PTPN23: variants seen among roughly 807,000 people sequenced by gnomAD.
The protein encoded by PTPN23 is protein tyrosine phosphatase non-receptor type 23.
PTPN23 carries 72 observed loss-of-function variants against 156.3 expected under a neutral mutation model. That is an observed-to-expected ratio of 0.46 (90% CI 0.38 to 0.56). The LOEUF (loss-of-function observed/expected upper bound fraction) is 0.56, where lower values mean the gene tolerates loss of function less well. PTPN23 is among the 20% of genes least tolerant of loss of function. The probability of loss-of-function intolerance (pLI) is 0.00; values close to 1 mark genes in which losing one functional copy is unlikely to be tolerated. For missense variants in PTPN23, 1,974 were observed against 2,171.5 expected, an observed-to-expected ratio of 0.91 and a Z score of 1.81; for synonymous variants, 957 against 899.6, an observed-to-expected ratio of 1.06 and a Z score of -1.14.
rs1374783155 is a variant in PTPN23 at position 47,408,658 on chromosome 3, G to A, written c.1331-118G>A. On this transcript the variant is annotated intron_variant, in intron 15 of 24. Coordinates refer to ENST00000265562, the MANE Select transcript of PTPN23 (RefSeq NM_015466.4). ...GCATACCTCTTGCACCCTGCTCAGTGTGCGCTGGGCCTCACTTAAGCCCTG... is the reference window on the plus strand; with the variant it reads ...GCATACCTCTTGCACCCTGCTCAGTATGCGCTGGGCCTCACTTAAGCCCTG... The A allele has an allele frequency of 2.8e-6, 4 of 1,431,396 alleles. No homozygotes were observed. In the African/African-American group the frequency reaches 4.3e-5, roughly 15 times the overall value. The allele number at this position is 1,431,396 out of a possible 1,614,324, so 88.7% of individuals were successfully genotyped here.
At position 47,407,108 on chromosome 3, in the gene PTPN23, G is replaced by C. The variant is rs377743663; in HGVS notation, c.808-22G>C. On this transcript the variant is annotated intron_variant, in intron 9 of 24. Coordinates refer to ENST00000265562, the MANE Select transcript of PTPN23 (RefSeq NM_015466.4). The surrounding 1 kb of genome is among the most constrained non-coding windows in gnomAD (Gnocchi z 4.0). ...GTCCAAGCAGAGGAGGACAGAGCAG[G>C]CTTTCCTGCCACCCTCCACAGGTTG... 6 of 1,613,696 alleles carry C rather than the reference G, an allele frequency of 3.7e-6. No homozygotes were observed. In the East Asian group the frequency reaches 6.7e-5, roughly 18 times the overall value.
Position 47,409,431 on chromosome 3 carries a change from G to T in PTPN23, c.1812G>T (p.Glu604Asp), listed in dbSNP as rs146560915. The stretch of plus-strand genomic sequence containing the variant: ...CCCTTCCTCAGAAGTTGTTCGAGGA[G>T]CAGCTGAAAAAGTATGACCAGCTGA... ...DHSEMKKLFE[E>D]QLKKYDQLKV... The change falls in exon 18 of 25, where the codon GAG (glutamate) becomes GAT (aspartate). Residue 604 changes from glutamate to aspartate, a missense_variant. By Grantham distance (45) the Glu-to-Asp change is conservative (BLOSUM62 2). Around this residue, in one of 4 missense-constraint regions of PTPN23, gnomAD observed 726 missense variants for 929.5 expected, o/e 0.78. Transcript: ENST00000265562. 2.2e-5 allele frequency: 35 copies of T among 1,614,026 alleles called. No homozygotes were observed. In the African/African-American group the frequency reaches 3.9e-4, roughly 18 times the overall value.
At position 47,407,346 on chromosome 3, in the gene PTPN23, C is replaced by T. The variant is rs1705152328; in HGVS notation, c.902C>T (p.Thr301Ile). ...PDTVQDALRFTMDVIGGKYNS... is the reference protein window; with the variant it reads ...PDTVQDALRFIMDVIGGKYNS... ...ACTGTGCAAGACGCGCTTCGCTTCACTATGGATGTCATTGGGGGAAAGTGA... is the reference window on the plus strand; with the variant it reads ...ACTGTGCAAGACGCGCTTCGCTTCATTATGGATGTCATTGGGGGAAAGTGA... The change falls in exon 11 of 25, where the codon ACT becomes ATT. Residue 301 changes from threonine to isoleucine, a missense_variant. Thr to Ile is a moderately conservative substitution (Grantham distance 89). Transcript: ENST00000265562. This position sits in a 1 kb window ranked among gnomAD's most constrained non-coding sequence, Gnocchi z 4.0. 1 of 1,613,894 alleles carries T rather than the reference C, an allele frequency of 6.2e-7. No individual in the cohort carries two copies. The highest frequency in any genetic ancestry group is 1.7e-5 in the Admixed American group (1 of 59,992).
chr3:47,382,432 C>T (rs1704563721), intron 1 of PTPN23, among the ~76,000 whole-genome samples: 1 of 151,754 alleles, frequency 6.6e-6, no homozygotes, highest in African/African-American at 2.4e-5. Context: ...AGCGATTCTC[C>T]TGCCTCAGCC....
chr3:47,383,348 G>A (rs1225713828), intron 1 of PTPN23, among the ~76,000 whole-genome samples: 2 of 152,126 alleles, frequency 1.3e-5, no homozygotes, highest in African/African-American at 2.4e-5. Flanking sequence ...AACTTTCAAG[G>A]TCTACTTAAG....
At chr3:47,385,878 C>T (rs1419514891) in intron 1 of PTPN23, among the ~76,000 whole-genome samples, 7 of 152,272 alleles carry the variant, frequency 4.6e-5, no homozygotes, top group Non-Finnish European at 8.8e-5. Flanking sequence ...CATGGCCTGT[C>T]CCCAGCTTGC....
chr3:47,410,194 C>T lies in PTPN23; in HGVS notation c.2396C>T (p.Pro799Leu). 6.2e-7 allele frequency: 1 copy of T among 1,607,532 alleles called. No individual in the cohort carries two copies. The highest frequency in any genetic ancestry group is 8.5e-7 in the Non-Finnish European group (1 of 1,176,490). The change falls in exon 20 of 25, where the codon CCC becomes CTC. Residue 799 changes from proline (P) to leucine (L), a missense_variant. Pro to Leu is a moderately conservative substitution (Grantham distance 98, BLOSUM62 -3). This residue lies in a region of PTPN23 where 731 missense variants were observed against 669.1 expected (regional missense o/e 1.09). Transcript: ENST00000265562. ...GPLPPGTYSG[P>L]TQLIQPRAPG... The stretch of plus-strand genomic sequence containing the variant: ...TTGCCCCCTGGTACCTACTCGGGCC[C>T]CACCCAGCTGATACAGCCCAGGGCC...
At chr3:47,381,794 C>T (rs1233576764) in intron 1 of PTPN23, among the ~76,000 whole-genome samples, 1 of 152,174 alleles carries the variant, frequency 6.6e-6, no homozygotes, top group Non-Finnish European at 1.5e-5. Flanking sequence ...AGGGTTACTG[C>T]TTTTCGTAAC....
intron 1 of PTPN23, among the ~76,000 whole-genome samples, chr3:47,384,039 A>G (rs1704603731): frequency 6.6e-6 from 1 of 152,166 alleles, no homozygotes; most frequent in South Asian, 2.1e-4. Flanking sequence ...AGAAGGGTGA[A>G]AATTGGTTCT....
intron 2 of PTPN23, among the ~76,000 whole-genome samples, chr3:47,399,487 T>G (rs926768063): frequency 3.9e-5 from 6 of 152,094 alleles, no homozygotes; most frequent in Non-Finnish European, 8.8e-5. Flanking sequence ...TGAAAACTAG[T>G]GAGATAATCT....
At chr3:47,386,807 G>T (rs1219399865) in intron 1 of PTPN23, among the ~76,000 whole-genome samples, 1 of 152,202 alleles carries the variant, frequency 6.6e-6, no homozygotes, top group African/African-American at 2.4e-5. Flanking sequence ...CAGCGGAACA[G>T]CTCCAGGCAC....
At chr3:47,408,219 C>T (rs576287099) in intron 14 of PTPN23, 126 bp from the exon 15 acceptor site, 36 of 1,344,770 alleles carry the variant, frequency 2.7e-5, no homozygotes, top group Admixed American at 6.1e-5. Context: ...AGTAGGGGTC[C>T]GAGGTCACAA....
Position 47,408,992 on chromosome 3 carries a change from A to T in PTPN23, c.1547A>T (p.His516Leu). 6.2e-7 allele frequency: 1 copy of T among 1,614,140 alleles called. No individual in the cohort carries two copies. The highest frequency in any genetic ancestry group is 8.5e-7 in the Non-Finnish European group (1 of 1,180,028). ...EKASFTNSELHRAMNLHVGNL... is the reference protein window; with the variant it reads ...EKASFTNSELLRAMNLHVGNL... The stretch of plus-strand genomic sequence containing the variant: ...GCCTCCTTCACCAACAGTGAGCTGC[A>T]CCGTGCCATGAACCTGCACGTCGGC... The change falls in exon 16 of 25, where the codon CAC (histidine) becomes CTC (leucine). Residue 516 changes from histidine (H) to leucine (L), a missense_variant. Around this residue, in one of 4 missense-constraint regions of PTPN23, gnomAD observed 726 missense variants for 929.5 expected, o/e 0.78. Coordinates refer to ENST00000265562, the MANE Select transcript of PTPN23 (RefSeq NM_015466.4).
In PTPN23 at chr3:47,409,981, C is replaced by A; in HGVS notation, c.2183C>A (p.Pro728His). The change falls in exon 20 of 25, where the codon CCC (proline) becomes CAC (histidine). Residue 728 changes from proline to histidine, a missense_variant. Physicochemically the swap from Pro to His is moderately conservative, Grantham distance 77. Transcript: ENST00000265562. ...CCCACAGCCCCAAAGCCGCTGCTGC[C>A]CCGCAGGGAGGAGAGTGAGGCAGTG... is the stretch of plus-strand genomic sequence containing the variant. ...PRPTAPKPLL[P>H]RREESEAVEA... The A allele has an allele frequency of 6.3e-7, 1 of 1,591,880 alleles. No homozygotes were observed.
chr3:47,400,753 T>C (rs1704977037), intron 2 of PTPN23, among the ~76,000 whole-genome samples: 2 of 152,102 alleles, frequency 1.3e-5, no homozygotes, highest in Non-Finnish European at 2.9e-5. Flanking sequence ...TTTGTATTTT[T>C]AGTAGAGACA....
In PTPN23 at chr3:47,381,108, G is replaced by T; in HGVS notation, c.12G>T (p.Val4=). 6.3e-7 allele frequency: 1 copy of T among 1,579,552 alleles called. No homozygotes were observed. The highest frequency in any genetic ancestry group is 8.6e-7 in the Non-Finnish European group (1 of 1,163,830). The change falls in exon 1 of 25, where the codon GTG becomes GTT. Residue 4 remains valine (V), a synonymous_variant. Transcript: ENST00000265562. The part of the protein sequence containing the change: MEA[V]PRMPMIWLDL... ...GGGTGCCAGCCGCCATGGAGGCCGT[G>T]CCCCGCATGCCCATGATCTGGCTGG... is the stretch of plus-strand genomic sequence containing the variant.
chr3:47,412,372 A>G lies in PTPN23; in HGVS notation c.4268A>G (p.Gln1423Arg). ...EAGNGIPELP[Q>R]LVRRMRQQRK... ...GGGAACGGAATCCCTGAGCTGCCTC[A>G]GCTGGTGCGGCGCATGCGGCAGCAG... Residue 1423 changes from glutamine to arginine, a missense_variant, in exon 23 of 25, where the codon CAG (glutamine) becomes CGG (arginine). Coordinates refer to ENST00000265562, the MANE Select transcript of PTPN23 (RefSeq NM_015466.4). 2 of 1,613,214 alleles carry G rather than the reference A, an allele frequency of 1.2e-6. No homozygotes were observed. The highest frequency in any genetic ancestry group is 8.5e-7 in the Non-Finnish European group (1 of 1,180,020).
intron 1 of PTPN23, among the ~76,000 whole-genome samples, chr3:47,393,448 C>T (rs988920131): frequency 1.3e-5 from 2 of 152,152 alleles, no homozygotes; most frequent in African/African-American, 2.4e-5. Flanking sequence ...CCACTGTGCC[C>T]GGCTACCTAG....
Position 47,413,085 on chromosome 3 carries a change from A to G in PTPN23, c.4811A>G (p.Asn1604Ser), listed in dbSNP as rs1261894630. The G allele has an allele frequency of 6.2e-7, 1 of 1,612,860 alleles. No homozygotes were observed. Among genetic ancestry groups the G allele is most frequent in the African/African-American group, 1.3e-5 (1 of 75,048 alleles). Residue 1604 changes from asparagine to serine, a missense_variant, in exon 25 of 25, where the codon AAC (asparagine) becomes AGC (serine). Coordinates refer to ENST00000265562, the MANE Select transcript of PTPN23 (RefSeq NM_015466.4). ...LRGKQRMSKH[N>S]FLQAHNGQGL... ...GGCAAACAGCGGATGAGCAAGCATA[A>G]CTTTCTGCAGGCCCATAACGGGCAA...
Sources: allele counts gnomAD v4.1 joint callset (sites outside exome capture counted in the v4.1 genomes callset), GRCh38; gene constraint gnomAD v4.1.1; regional missense constraint gnomAD v4.1.1; non-coding constraint Gnocchi (gnomAD v3.1); transcripts MANE v1.5; gene names NCBI Gene and HGNC (gene_info 2026-07-23, HGNC 2026-07-21).